ANKK1: variants seen among roughly 807,000 people sequenced by gnomAD.
ANKK1 encodes ankyrin repeat and protein kinase domain-containing protein 1.
A neutral mutation model predicts 37.6 loss-of-function variants in ANKK1; 37 were observed. The ratio of observed to expected loss-of-function variants is 0.98; its 90% CI spans 0.76 to 1.29. The LOEUF is 1.29. ANKK1 is among the 50% of genes most tolerant of loss of function. ANKK1 has a pLI of 0.00. For missense variants in ANKK1, 1,019 were observed against 990.6 expected (o/e 1.03, Z -0.39); for synonymous variants, 415 against 418.7 (o/e 0.99, Z 0.11).
chr11:113,391,091 A>C (rs1482456083), intron 1 of ANKK1, among the ~76,000 whole-genome samples: 1 of 152,186 alleles, frequency 6.6e-6, no homozygotes, highest in African/African-American at 2.4e-5. Context: ...ATTTGAGTAG[A>C]GATTTGAAGG....
At chr11:113,397,050 C>T (rs140888888) in intron 5 of ANKK1, among the ~76,000 whole-genome samples, 174 bp from the exon 6 acceptor site, 37 of 152,320 alleles carry the variant, frequency 2.4e-4, no homozygotes, top group African/African-American at 8.7e-4. Flanking sequence ...CAGTGACTTG[C>T]TGAAGGTGCC....
rs1425001051 is a variant in ANKK1, at chr11:113,399,789, A to T, written c.1820A>T (p.Glu607Val). Reference protein sequence around the residue: ...LHLAAYKGHLEIIHLLAESHA... With the variant: ...LHLAAYKGHLVIIHLLAESHA... ...CTAGCAGCCTACAAGGGCCACCTGG[A>T]GATCATCCATCTGCTGGCAGAGAGC... is the stretch of plus-strand genomic sequence containing the variant. The change falls in exon 8 of 8, where the codon GAG becomes GTG. Residue 607 changes from glutamate (E) to valine (V), a missense_variant. By Grantham distance (121) the Glu-to-Val change is moderately radical (BLOSUM62 -2). Coordinates refer to ENST00000303941, the MANE Select transcript of ANKK1 (RefSeq NM_178510.2). The T allele has an allele frequency of 1.2e-6, 2 of 1,603,402 alleles. No homozygotes were observed. The highest frequency in any genetic ancestry group is 3.4e-5 in the Admixed American group (2 of 58,454).
At chr11:113,395,983 G>A in intron 4 of ANKK1, 84 bp from the exon 5 acceptor site, 2 of 1,524,056 alleles carry the variant, frequency 1.3e-6, no homozygotes, top group Non-Finnish European at 9.0e-7. Context: ...GCCCTGTTGG[G>A]ATCCTCAGAG....
chr11:113,390,173 T>C (rs1200279949), intron 1 of ANKK1, among the ~76,000 whole-genome samples: 3 of 152,210 alleles, frequency 2.0e-5, no homozygotes, highest in Admixed American at 6.5e-5. Flanking sequence ...GTCCACTCCA[T>C]GAGAGTGTCT....
Position 113,399,451 on chromosome 11 carries a change from C to T in ANKK1, c.1482C>T (p.Gly494=), listed in dbSNP as rs1442319110. The stretch of plus-strand genomic sequence containing the variant: ...ACCCCAACCTGCATGAGGCTGAGGG[C>T]AAGACCCCCCTCCATGTGGCCGCCT... The part of the protein sequence containing the change: ...QADPNLHEAE[G]KTPLHVAAYF... The change falls in exon 8 of 8, where the codon GGC becomes GGT. Residue 494 remains glycine, a synonymous_variant. Transcript: ENST00000303941. 3.1e-6 allele frequency: 5 copies of T among 1,594,978 alleles called. No individual in the cohort carries two copies. In the Admixed American group the frequency reaches 5.2e-5, roughly 17 times the overall value.
At position 113,398,974 on chromosome 11, in the gene ANKK1, C is replaced by G. The variant is rs1182003925; in HGVS notation, c.1005C>G (p.Asn335Lys). 2 of 1,575,406 alleles carry G rather than the reference C, an allele frequency of 1.3e-6. No homozygotes were observed. Among genetic ancestry groups the G allele is most frequent in the Admixed American group, 3.7e-5 (2 of 54,696 alleles). Reference sequence around the variant, plus strand: ...TCTTTCTCCCAGCAGACTCAGGAAACTACCTGAAGCGGGCCCTTCAGCTCT... The same window carrying G: ...TCTTTCTCCCAGCAGACTCAGGAAAGTACCTGAAGCGGGCCCTTCAGCTCT... ...SQELMDSDSG[N>K]YLKRALQLSD... is the part of the protein sequence containing the mutation. The change falls in exon 8 of 8, where the codon AAC becomes AAG. Residue 335 changes from asparagine to lysine, a missense_variant. By Grantham distance (94) the Asn-to-Lys change is moderately conservative. Transcript: ENST00000303941.
chr11:113,388,011 C>A lies in ANKK1; in HGVS notation c.127C>A (p.Arg43Ser), dbSNP rs368483324. Residue 43 changes from arginine (R) to serine (S), a missense_variant, in exon 1 of 8, where the codon CGC (arginine) becomes AGC (serine). Transcript: ENST00000303941. ...CCAGGTGTTCCAGGCGCGGCACAGG[C>A]GCTGGCGGACGGAGTACGCCATCAA... ...FSQVFQARHR[R>S]WRTEYAIKCA... is the part of the protein sequence containing the mutation. 1 of 1,566,032 alleles carries A rather than the reference C, an allele frequency of 6.4e-7. No individual in the cohort carries two copies. Among genetic ancestry groups the A allele is most frequent in the East Asian group, 2.4e-5 (1 of 42,488 alleles).
intron 7 of ANKK1, among the ~76,000 whole-genome samples, 180 bp from the exon 8 acceptor site, chr11:113,398,784 G>A (rs1950660565): frequency 6.6e-6 from 1 of 152,152 alleles, no homozygotes. Context: ...CAGGACGACC[G>A]AGCCTGAACT....
intron 1 of ANKK1, among the ~76,000 whole-genome samples, chr11:113,392,853 G>A (rs1355337975): frequency 6.6e-6 from 1 of 152,186 alleles, no homozygotes; most frequent in Admixed American, 6.5e-5. Context: ...GCAGTGTGGG[G>A]AAGTGCTCGT....
At chr11:113,390,176 G>C (rs34601878) in intron 1 of ANKK1, among the ~76,000 whole-genome samples, 14 of 152,176 alleles carry the variant, frequency 9.2e-5, no homozygotes, top group African/African-American at 2.9e-4. Flanking sequence ...CACTCCATGA[G>C]AGTGTCTGTT....
chr11:113,393,519 TGAA>T lies in ANKK1; in HGVS notation c.230_232del (p.Lys77del), dbSNP rs770374358. ...TACCTCATTGAAGAAGCTGCCAAAA[TGAA>T]GAAGATCAAGTTTCAGCACATCGTG... On this transcript the variant is annotated inframe_deletion, in exon 2 of 8. Coordinates refer to ENST00000303941, the MANE Select transcript of ANKK1 (RefSeq NM_178510.2). 8.7e-6 allele frequency: 14 copies of T among 1,613,736 alleles called. No individual in the cohort carries two copies. The African/African-American group carries it at 1.2e-4, about 14-fold the overall frequency.
rs1289322029 is a variant in ANKK1 at position 113,400,239 on chromosome 11, C to G, written c.2270C>G (p.Ser757Cys). Residue 757 changes from serine (S) to cysteine (C), a missense_variant, in exon 8 of 8, where the codon TCT becomes TGT. Transcript: ENST00000303941. ...KEPSVATLGG[S>C]KPGAEMEI is the part of the protein sequence containing the mutation. Reference sequence around the variant, plus strand: ...CCGTCAGTGGCCACTCTGGGTGGTTCTAAGCCAGGAGCCGAGATGGAAATT... The same window carrying G: ...CCGTCAGTGGCCACTCTGGGTGGTTGTAAGCCAGGAGCCGAGATGGAAATT... 2.6e-6 allele frequency: 4 copies of G among 1,544,004 alleles called. No individual in the cohort carries two copies. The highest frequency in any genetic ancestry group is 3.5e-6 in the Non-Finnish European group (4 of 1,142,394).
chr11:113,399,968 G>A lies in ANKK1; in HGVS notation c.1999G>A (p.Val667Ile). The A allele has an allele frequency of 6.2e-7, 1 of 1,613,610 alleles. No individual in the cohort carries two copies. The stretch of plus-strand genomic sequence containing the variant: ...AGGCTGGACACCCCTCCACCTGGCG[G>A]TCCAGAGGAGCACCTTCCTGAGTGT... ...QSGWTPLHLA[V>I]QRSTFLSVIN... Residue 667 changes from valine to isoleucine, a missense_variant, in exon 8 of 8, where the codon GTC becomes ATC. Physicochemically the swap from Val to Ile is conservative, Grantham distance 29 (BLOSUM62 3). Coordinates refer to ENST00000303941, the MANE Select transcript of ANKK1 (RefSeq NM_178510.2).
chr11:113,388,687 T>C (rs1189922671), intron 1 of ANKK1, among the ~76,000 whole-genome samples: 1 of 152,262 alleles, frequency 6.6e-6, no homozygotes, highest in African/African-American at 2.4e-5. Flanking sequence ...TGTCCCTTGC[T>C]GTCATGCGCA....
rs368854368 is a variant in ANKK1 at position 113,400,015 on chromosome 11, C to G, written c.2046C>G (p.His682Gln). The G allele has an allele frequency of 6.2e-7, 1 of 1,613,530 alleles. No individual in the cohort carries two copies. Among genetic ancestry groups the G allele is most frequent in the Non-Finnish European group, 8.5e-7 (1 of 1,179,854 alleles). ...FLSVINLLEH[H>Q]ANVHARNKVG... ...GTGTCATCAACCTCCTAGAACATCA[C>G]GCAAATGTCCACGCCCGCAACAAGG... is the stretch of plus-strand genomic sequence containing the variant. The change falls in exon 8 of 8, where the codon CAC (histidine) becomes CAG (glutamine). Residue 682 changes from histidine (H) to glutamine (Q), a missense_variant. His to Gln is a conservative substitution (Grantham distance 24). Coordinates refer to ENST00000303941, the MANE Select transcript of ANKK1 (RefSeq NM_178510.2).
Position 113,397,972 on chromosome 11 carries a change from C to G in ANKK1, c.958-8C>G. 7 of 1,558,894 alleles carry G rather than the reference C, an allele frequency of 4.5e-6. No individual in the cohort carries two copies. The highest frequency in any genetic ancestry group is 3.5e-6 in the Non-Finnish European group (4 of 1,150,936). ...TCTCCACCCTGCCTGCTGGTTATGC[C>G]TCCCCAGGTTAATGAGGACATCAGC... On this transcript the variant is annotated splice_region_variant and splice_polypyrimidine_tract_variant and intron_variant, in intron 6 of 7. Transcript: ENST00000303941.
At chr11:113,398,940 T>C (rs1565652849) in intron 7 of ANKK1, 24 bp from the exon 8 acceptor site, 8 of 1,543,176 alleles carry the variant, frequency 5.2e-6, no homozygotes, top group Non-Finnish European at 7.0e-6. Flanking sequence ...GTCTTTTTTT[T>C]CAACCCCATC....
At chr11:113,391,246 G>A (rs1198330403) in intron 1 of ANKK1, among the ~76,000 whole-genome samples, 1 of 152,230 alleles carries the variant, frequency 6.6e-6, no homozygotes, top group Non-Finnish European at 1.5e-5. Context: ...ACAATGAGAG[G>A]AGGGTGATTA....
intron 5 of ANKK1, among the ~76,000 whole-genome samples, chr11:113,396,857 C>A (rs368613037): frequency 4.6e-5 from 7 of 152,190 alleles, no homozygotes; most frequent in African/African-American, 1.7e-4. Flanking sequence ...CCTTTCAGAG[C>A]TACTGTTTCC....
Sources: gnomAD v4.1 joint callset for allele counts (sites outside exome capture counted in the v4.1 genomes callset) on GRCh38, gnomAD v4.1.1 for gene constraint, MANE v1.5 for transcripts, NCBI Gene and HGNC (gene_info 2026-07-23, HGNC 2026-07-21) for gene names.